Variants in N4BP1 observed in about 807,000 individuals in gnomAD.
N4BP1 encodes NEDD4-binding protein 1.
N4BP1 carries 21 observed loss-of-function variants against 70.9 expected under a neutral mutation model. The ratio of observed to expected loss-of-function variants is 0.30; its 90% CI spans 0.21 to 0.43. The LOEUF is 0.43. Ranked by LOEUF, N4BP1 falls within the 20% of genes least tolerant of loss-of-function variation. The probability of loss-of-function intolerance (pLI) is 1.00; values close to 1 mark genes in which losing one functional copy is unlikely to be tolerated. For synonymous variants in N4BP1, 387 were observed against 394.6 expected (o/e 0.98, Z 0.23); for missense variants, 936 against 1,069.4 (o/e 0.88, Z 1.74).
chr16:48,564,981 C>G (rs1963918035), intron 1 of N4BP1, among the ~76,000 whole-genome samples: 1 of 152,136 alleles, frequency 6.6e-6, no homozygotes, highest in Non-Finnish European at 1.5e-5. Context: ...TTAGTATATA[C>G]AAATATAATT....
At position 48,540,851 on chromosome 16, in the gene N4BP1, T is replaced by TTTAAATA. The variant is rs757305050; in HGVS notation, c.*2046_*2052dup. 1.3e-5 allele frequency: 2 copies of TTTAAATA among 152,202 alleles called. No homozygotes were observed. Among genetic ancestry groups the TTTAAATA allele is most frequent in the East Asian group, 1.9e-4 (1 of 5,196 alleles). 9.4% of individuals were successfully genotyped at this position (152,202 alleles called of 1,614,324 possible). On this transcript the variant is annotated 3_prime_UTR_variant, in exon 7 of 7. Coordinates refer to ENST00000262384, the MANE Select transcript of N4BP1 (RefSeq NM_153029.4). ...TCTTAATGGTTTGATAATTTGGGTT[T>TTTAAATA]TTAAATATTAAATATTAAATATCAG...
chr16:48,546,045 T>TAA, intron 6 of N4BP1, 102 bp downstream of exon 6: 1 of 677,354 alleles, frequency 1.5e-6, no homozygotes, highest in Non-Finnish European at 2.3e-6. Flanking sequence ...AAAAAAATAA[T>TAA]TTTTTTAATG....
intron 1 of N4BP1, among the ~76,000 whole-genome samples, chr16:48,597,919 G>C (rs868648652): frequency 1.3e-5 from 2 of 152,218 alleles, no homozygotes; most frequent in African/African-American, 2.4e-5. Flanking sequence ...GGTGGATGCA[G>C]AATGCATGGC....
In N4BP1 at chr16:48,557,361, G is replaced by C. The variant is rs531739754; in HGVS notation, c.1889+3393C>G. 4.6e-5 allele frequency among the ~76,000 whole-genome samples: 7 copies of C among 152,302 alleles called. No individual in the cohort carries two copies. In the South Asian group the frequency reaches 1.2e-3, roughly 27 times the overall value. ...CAACCTTAACTTCTGCTGGAGGAGA[G>C]AGGGTATACAGCAGCTCTGGGGAAA... is the stretch of plus-strand genomic sequence containing the variant. On this transcript the variant is annotated intron_variant, in intron 2 of 6. Coordinates refer to ENST00000262384, the MANE Select transcript of N4BP1 (RefSeq NM_153029.4).
chr16:48,583,055 T>C (rs901943480), intron 1 of N4BP1, among the ~76,000 whole-genome samples: 2 of 152,096 alleles, frequency 1.3e-5, no homozygotes, highest in Admixed American at 6.6e-5. Context: ...CACTGCACTC[T>C]AGCCTGGGCG....
chr16:48,541,909 C>A lies in N4BP1; in HGVS notation c.*995G>T, dbSNP rs1963504860. The A allele has an allele frequency of 6.6e-6, 1 of 152,658 alleles. No homozygotes were observed. Among genetic ancestry groups the A allele is most frequent in the African/African-American group, 2.4e-5 (1 of 41,442 alleles). The allele number at this position is 152,658 out of a possible 1,614,324, so 9.5% of individuals were successfully genotyped here. On this transcript the variant is annotated 3_prime_UTR_variant, in exon 7 of 7. Coordinates refer to ENST00000262384, the MANE Select transcript of N4BP1 (RefSeq NM_153029.4). ...ACTAATGCTATTTATTGGCTTGGGT[C>A]ACTTTTGAGAATAGAAAACCATTTT...
intron 2 of N4BP1, among the ~76,000 whole-genome samples, chr16:48,558,432 C>T (rs1039370832): frequency 6.6e-6 from 1 of 152,014 alleles, no homozygotes; most frequent in South Asian, 2.1e-4. Flanking sequence ...GGTGTCACAA[C>T]GACTGGGGAA....
At chr16:48,597,025 C>T (rs1964424307) in intron 1 of N4BP1, among the ~76,000 whole-genome samples, 1 of 152,210 alleles carries the variant, frequency 6.6e-6, no homozygotes, top group East Asian at 1.9e-4. Context: ...AAGAACATCT[C>T]ACTTCAACCC....
rs777170154 is a variant in N4BP1 at position 48,561,311 on chromosome 16, CTG to C, written c.1330_1331del (p.Gln444ValfsTer8). On this transcript the variant is annotated frameshift_variant, in exon 2 of 7. Transcript: ENST00000262384. LOFTEE classifies it high-confidence loss of function. ...TQQNMVEKFS[Q>X]LPFKVEAKPC... The stretch of plus-strand genomic sequence containing the variant: ...GTTTAGCTTCCACTTTGAATGGTAA[CTG>C]AGAAAATTTTTCTACCATATTTTGC... 1 of 1,613,684 alleles carries C rather than the reference CTG, an allele frequency of 6.2e-7. No individual in the cohort carries two copies. Among genetic ancestry groups the C allele is most frequent in the Non-Finnish European group, 8.5e-7 (1 of 1,179,744 alleles).
At chr16:48,588,967 A>T (rs1347835014) in intron 1 of N4BP1, among the ~76,000 whole-genome samples, 2 of 152,186 alleles carry the variant, frequency 1.3e-5, no homozygotes. Flanking sequence ...TTAGAGAAAA[A>T]GTTTGCCAAT....
intron 2 of N4BP1, among the ~76,000 whole-genome samples, chr16:48,558,541 T>A (rs1464340324): frequency 1.3e-5 from 2 of 152,172 alleles, no homozygotes; most frequent in African/African-American, 4.8e-5. Flanking sequence ...TGCTGAGAAA[T>A]ATGCCTGTTA....
chr16:48,548,160 G>T, intron 4 of N4BP1, 46 bp from the exon 5 acceptor site: 1 of 1,031,650 alleles, frequency 9.7e-7, no homozygotes. Flanking sequence ...GGCATCCTTG[G>T]CTCAGAGAAG....
chr16:48,573,708 C>T (rs908976584), intron 1 of N4BP1, among the ~76,000 whole-genome samples: 8 of 152,144 alleles, frequency 5.3e-5, no homozygotes, highest in African/African-American at 1.9e-4. Flanking sequence ...TATAACTTTT[C>T]GACTCCCTCA....
At chr16:48,548,754 A>G (rs1963624365) in intron 4 of N4BP1, among the ~76,000 whole-genome samples, 2 of 151,536 alleles carry the variant, frequency 1.3e-5, no homozygotes, top group Non-Finnish European at 2.9e-5. Context: ...GTGGAGGATC[A>G]GCTGAGCCCA....
intron 1 of N4BP1, among the ~76,000 whole-genome samples, chr16:48,581,614 T>C (rs1964175237): frequency 6.6e-6 from 1 of 152,104 alleles, no homozygotes; most frequent in Non-Finnish European, 1.5e-5. Flanking sequence ...TACTTAGGAA[T>C]AAATTTAACC....
chr16:48,594,001 C>CAAAAAAAAAA lies in N4BP1; in HGVS notation c.198+15764_198+15773dup, dbSNP rs750355255. Among the ~76,000 whole-genome samples the CAAAAAAAAAA allele has an allele frequency of 1.4e-4, 6 of 42,514 alleles. 1 individual carries two copies. Among genetic ancestry groups the CAAAAAAAAAA allele is most frequent in the African/African-American group, 3.5e-4 (4 of 11,338 alleles). The allele number at this position is 42,514 out of a possible 152,430, so 27.9% of individuals were successfully genotyped here. ...TGGGTGCCAGAGCAAGACTCCGTCT[C>CAAAAAAAAAA]AAAAAAAAAAAAAAAAACAAAAAAA... On this transcript the variant is annotated intron_variant, in intron 1 of 6. Coordinates refer to ENST00000262384, the MANE Select transcript of N4BP1 (RefSeq NM_153029.4).
At chr16:48,588,572 G>A (rs962130057) in intron 1 of N4BP1, among the ~76,000 whole-genome samples, 1 of 152,136 alleles carries the variant, frequency 6.6e-6, no homozygotes, top group Non-Finnish European at 1.5e-5. Context: ...TGGGATTGCA[G>A]GTGTGAGTCA....
At chr16:48,578,362 T>TCCG (rs900975718) in intron 1 of N4BP1, 1 of 152,358 alleles carries the variant, frequency 6.6e-6, no homozygotes, top group African/African-American at 2.4e-5. Flanking sequence ...ACTGGCGTCA[T>TCCG]CCGCCATTTG....
At chr16:48,606,207 G>C (rs1964580231) in intron 1 of N4BP1, among the ~76,000 whole-genome samples, 1 of 152,060 alleles carries the variant, frequency 6.6e-6, no homozygotes, top group African/African-American at 2.4e-5. Flanking sequence ...CCTGCCACCT[G>C]GCTTAAAACC....
Sources: gnomAD v4.1 joint callset for allele counts (sites outside exome capture counted in the v4.1 genomes callset) on GRCh38, gnomAD v4.1.1 for gene constraint, MANE v1.5 for transcripts, NCBI Gene and HGNC (gene_info 2026-07-23, HGNC 2026-07-21) for gene names.